CSMD1: variants seen among roughly 807,000 people sequenced by gnomAD.
CSMD1 encodes the protein CUB and sushi domain-containing protein 1.
A neutral mutation model predicts 417.5 loss-of-function variants in CSMD1; 213 were observed. The observed-to-expected ratio is 0.51, with a 90% CI of 0.46 to 0.57. The LOEUF (loss-of-function observed/expected upper bound fraction) is 0.57, where lower values mean the gene tolerates loss of function less well. CSMD1 is among the 20% of genes least tolerant of loss of function. CSMD1 has a pLI of 0.00. For synonymous variants in CSMD1, 2,862 were observed against 1,736.8 expected (o/e 1.65, Z -16.11); for missense variants, 6,923 against 4,529.7 (o/e 1.53, Z -15.17).
intron 8 of CSMD1, among the ~76,000 whole-genome samples, chr8:3,607,213 G>C (rs1307012379): frequency 6.6e-6 from 1 of 152,116 alleles, no homozygotes; most frequent in Non-Finnish European, 1.5e-5. Flanking sequence ...CACGACGTCA[G>C]GATCATTAAT....
intron 2 of CSMD1, among the ~76,000 whole-genome samples, chr8:4,633,635 C>G (rs934810424): frequency 2.4e-4 from 36 of 152,094 alleles, no homozygotes; most frequent in African/African-American, 8.7e-4. Context: ...GCACTCACTG[C>G]AACCTCCATT....
At chr8:4,039,872 G>A (rs1797798382) in intron 3 of CSMD1, among the ~76,000 whole-genome samples, 1 of 152,126 alleles carries the variant, frequency 6.6e-6, no homozygotes, top group Non-Finnish European at 1.5e-5. Flanking sequence ...TGTAATGTTG[G>A]ACAAATTACT....
intron 2 of CSMD1, among the ~76,000 whole-genome samples, chr8:4,545,714 C>T (rs559623013): frequency 2.6e-5 from 4 of 152,090 alleles, no homozygotes; most frequent in Admixed American, 1.3e-4. Context: ...CTGATGCCAA[C>T]GGATAGCAAA....
intron 3 of CSMD1, among the ~76,000 whole-genome samples, chr8:4,158,120 T>A (rs1263967318): frequency 2.0e-5 from 3 of 150,172 alleles, no homozygotes; most frequent in Non-Finnish European, 4.4e-5. Flanking sequence ...GAGCTTAAGA[T>A]CCCTGCAGTC....
chr8:3,064,957 G>GA (rs1198701906), intron 49 of CSMD1, among the ~76,000 whole-genome samples: 3 of 152,040 alleles, frequency 2.0e-5, no homozygotes, highest in Non-Finnish European at 4.4e-5. Context: ...ACAAAACTTT[G>GA]AAAACGAGTC....
At chr8:3,304,975 A>T (rs947567521) in intron 25 of CSMD1, among the ~76,000 whole-genome samples, 1 of 152,198 alleles carries the variant, frequency 6.6e-6, no homozygotes, top group Non-Finnish European at 1.5e-5. Flanking sequence ...AATCAAAGCC[A>T]TTGGAAGTGG....
At chr8:4,165,884 C>G (rs1299904217) in intron 3 of CSMD1, among the ~76,000 whole-genome samples, 1 of 152,146 alleles carries the variant, frequency 6.6e-6, no homozygotes, top group African/African-American at 2.4e-5. Flanking sequence ...TTTGCACCAA[C>G]CAACCTGTGC....
chr8:4,170,362 T>A (rs1013902339), intron 3 of CSMD1, among the ~76,000 whole-genome samples: 1 of 152,058 alleles, frequency 6.6e-6, no homozygotes, highest in Non-Finnish European at 1.5e-5. Flanking sequence ...TATATTCGGA[T>A]AATTTATGAA....
intron 3 of CSMD1, among the ~76,000 whole-genome samples, chr8:4,351,896 C>T (rs1390474293): frequency 1.3e-5 from 2 of 150,726 alleles, no homozygotes; most frequent in South Asian, 2.1e-4. Flanking sequence ...TTACGCACTA[C>T]AGAAACCAAA....
chr8:3,392,486 C>G (rs1226498303), intron 17 of CSMD1, among the ~76,000 whole-genome samples: 1 of 152,004 alleles, frequency 6.6e-6, no homozygotes, highest in Non-Finnish European at 1.5e-5. Context: ...CACTTTTTCT[C>G]TGTCTCTGCT....
At chr8:4,202,946 T>C (rs1179670178) in intron 3 of CSMD1, among the ~76,000 whole-genome samples, 1 of 152,120 alleles carries the variant, frequency 6.6e-6, no homozygotes, top group Non-Finnish European at 1.5e-5. Flanking sequence ...TTATCTCTTT[T>C]TGCAGTTGTG....
rs545354047 is a variant in CSMD1, at chr8:3,840,910, T to C, written c.819-86868A>G. 8.5e-5 allele frequency among the ~76,000 whole-genome samples: 13 copies of C among 152,076 alleles called. No homozygotes were observed. The East Asian group carries it at 2.5e-3, about 30-fold the overall frequency. ...TTAGTAGAGACGAGGTTTCACCATA[T>C]CGGTCAGGCTGGTCTCGAACTCCTG... On this transcript the variant is annotated intron_variant, in intron 5 of 69. Coordinates refer to ENST00000635120, the MANE Select transcript of CSMD1 (RefSeq NM_033225.6).
At chr8:4,351,417 A>G (rs1420624691) in intron 3 of CSMD1, among the ~76,000 whole-genome samples, 1 of 152,234 alleles carries the variant, frequency 6.6e-6, no homozygotes, top group Admixed American at 6.5e-5. Flanking sequence ...TGTTATACCA[A>G]GTAAGGTAAG....
At chr8:2,966,858 C>T in intron 57 of CSMD1, 112 bp from the exon 58 acceptor site, 2 of 915,356 alleles carry the variant, frequency 2.2e-6, no homozygotes, top group Non-Finnish European at 3.4e-6. Context: ...TATTACAAAC[C>T]CAAAGCACAC....
At chr8:4,402,929 C>T (rs1585021136) in intron 3 of CSMD1, among the ~76,000 whole-genome samples, 1 of 148,654 alleles carries the variant, frequency 6.7e-6, no homozygotes, top group Non-Finnish European at 1.5e-5. Context: ...ATGCCATTCT[C>T]CTGTCTTAGC....
chr8:4,014,786 G>A (rs1408551911), intron 4 of CSMD1, among the ~76,000 whole-genome samples: 2 of 152,114 alleles, frequency 1.3e-5, no homozygotes, highest in South Asian at 2.1e-4. Context: ...ATTCATTCTG[G>A]CACTAGACAC....
intron 5 of CSMD1, among the ~76,000 whole-genome samples, chr8:3,927,095 T>A (rs1396738174): frequency 2.0e-5 from 3 of 151,984 alleles, no homozygotes; most frequent in African/African-American, 7.2e-5. Flanking sequence ...TATCTTTAGG[T>A]ATTATTATCG....
At chr8:4,445,894 C>T (rs1585088038) in intron 2 of CSMD1, among the ~76,000 whole-genome samples, 2 of 152,140 alleles carry the variant, frequency 1.3e-5, no homozygotes, top group South Asian at 4.1e-4. Context: ...GAGGAGAGAG[C>T]ACGGATGCAG....
intron 63 of CSMD1, among the ~76,000 whole-genome samples, chr8:2,957,423 G>C (rs1803094762): frequency 6.6e-6 from 1 of 152,120 alleles, no homozygotes; most frequent in Admixed American, 6.6e-5. Flanking sequence ...TGGAGCGCTT[G>C]TTAAACTAAA....
Sources: gnomAD v4.1 joint callset for allele counts (sites outside exome capture counted in the v4.1 genomes callset) on GRCh38, gnomAD v4.1.1 for gene constraint, MANE v1.5 for transcripts, NCBI Gene and HGNC (gene_info 2026-07-23, HGNC 2026-07-21) for gene names.